The following DNAH9 variants were observed in gnomAD, a reference collection of about 807,000 sequenced individuals.
DNAH9 encodes the protein dynein axonemal heavy chain 9.
Under a neutral mutation model 471.6 loss-of-function variants are expected in DNAH9, and 345 were observed. The observed-to-expected ratio is 0.73, with a 90% CI of 0.67 to 0.80. DNAH9 has a LOEUF of 0.80. Ranked by LOEUF, DNAH9 falls within the 30% of genes least tolerant of loss-of-function variation. DNAH9 has a pLI of 0.00. For synonymous variants in DNAH9, 2,093 were observed against 2,123.6 expected (o/e 0.99, Z 0.40); for missense variants, 5,407 against 5,609.2 (o/e 0.96, Z 1.15).
chr17:11,942,296 G>T lies in DNAH9; in HGVS notation c.12661-7G>T. The T allele has an allele frequency of 6.2e-7, 1 of 1,613,080 alleles. No individual in the cohort carries two copies. Among genetic ancestry groups the T allele is most frequent in the Non-Finnish European group, 8.5e-7 (1 of 1,179,328 alleles). On this transcript the variant is annotated splice_polypyrimidine_tract_variant and splice_region_variant and intron_variant, in intron 66 of 68. Coordinates refer to ENST00000262442, the MANE Select transcript of DNAH9 (RefSeq NM_001372.4). ...TTCTTAACGCTGTGTTTCCTTCTGT[G>T]GGGCAGGTCAAGGCACTTCTGGAAG...
intron 43 of DNAH9, among the ~76,000 whole-genome samples, chr17:11,798,241 G>A (rs1172178706): frequency 6.6e-6 from 1 of 151,810 alleles, no homozygotes; most frequent in Non-Finnish European, 1.5e-5. Flanking sequence ...GACCATCCTG[G>A]CTAACACGGT....
rs1004948898 is a variant in DNAH9 at position 11,623,120 on chromosome 17, T to G, written c.1350+3339T>G. Among the ~76,000 whole-genome samples the G allele has an allele frequency of 2.6e-5, 4 of 151,946 alleles. No homozygotes were observed. Among genetic ancestry groups the G allele is most frequent in the African/African-American group, 9.6e-5 (4 of 41,464 alleles). ...TCCCAAGTAGCTGGGATTACAGGCA[T>G]GTGCCACCATGCCTGGTTAATTTTT... On this transcript the variant is annotated intron_variant, in intron 6 of 68. Transcript: ENST00000262442. The surrounding 1 kb of genome is among the most constrained non-coding windows in gnomAD (Gnocchi z 4.1).
At chr17:11,933,761 C>T in intron 64 of DNAH9, 119 bp from the exon 65 acceptor site, 1 of 895,844 alleles carries the variant, frequency 1.1e-6, no homozygotes, top group Non-Finnish European at 1.7e-6. Context: ...AGACATTGCT[C>T]TCAATCTCAA....
intron 45 of DNAH9, among the ~76,000 whole-genome samples, chr17:11,813,551 C>A (rs1969995039): frequency 6.6e-6 from 1 of 152,154 alleles, no homozygotes; most frequent in African/African-American, 2.4e-5. Context: ...ACTTAGACAA[C>A]CTTGCAATTC....
chr17:11,748,843 T>C (rs1967016278), intron 32 of DNAH9, among the ~76,000 whole-genome samples: 1 of 152,128 alleles, frequency 6.6e-6, no homozygotes, highest in Non-Finnish European at 1.5e-5. Flanking sequence ...AAATCTCAGC[T>C]CCTTCCTGAT....
intron 66 of DNAH9, 147 bp from the exon 67 acceptor site, chr17:11,942,156 C>T: frequency 8.7e-7 from 1 of 1,149,410 alleles, no homozygotes; most frequent in Non-Finnish European, 1.2e-6. Flanking sequence ...TTGACCTCGA[C>T]AAGCAGGCAA....
chr17:11,967,038 A>AAG (rs1300041180), intron 68 of DNAH9, among the ~76,000 whole-genome samples: 1 of 151,298 alleles, frequency 6.6e-6, no homozygotes, highest in African/African-American at 2.4e-5. Flanking sequence ...CCATCTCAAA[A>AAG]AAAAAAAAAA....
chr17:11,746,812 C>A (rs1376551554), intron 31 of DNAH9, among the ~76,000 whole-genome samples: 2 of 152,134 alleles, frequency 1.3e-5, no homozygotes, highest in South Asian at 2.1e-4. Flanking sequence ...TCTATACAAC[C>A]AAATTATCAT....
intron 50 of DNAH9, among the ~76,000 whole-genome samples, chr17:11,863,646 G>A (rs951713856): frequency 6.6e-6 from 1 of 150,768 alleles, no homozygotes; most frequent in Non-Finnish European, 1.5e-5. Context: ...GAATCCATCT[G>A]GTCCTGGACT....
chr17:11,674,725 G>A (rs970304120), intron 17 of DNAH9, among the ~76,000 whole-genome samples: 1 of 150,316 alleles, frequency 6.7e-6, no homozygotes, highest in African/African-American at 2.4e-5. Flanking sequence ...CCCTTATGTT[G>A]TTCTTCTTTT....
chr17:11,739,480 T>C (rs1156940570), intron 29 of DNAH9, among the ~76,000 whole-genome samples: 3 of 152,248 alleles, frequency 2.0e-5, no homozygotes, highest in African/African-American at 4.8e-5. Context: ...TGCTGTAATG[T>C]ACATCTTTGC....
intron 37 of DNAH9, among the ~76,000 whole-genome samples, 184 bp from the exon 38 acceptor site, chr17:11,768,938 C>G (rs936440528): frequency 6.6e-6 from 1 of 152,036 alleles, no homozygotes; most frequent in African/African-American, 2.4e-5. Context: ...CTGCGGGGAG[C>G]CCAGAGAGTG....
Position 11,669,370 on chromosome 17 carries a change from G to T in DNAH9, c.2929G>T (p.Val977Phe). 3 of 1,608,022 alleles carry T rather than the reference G, an allele frequency of 1.9e-6. No homozygotes were observed. Among genetic ancestry groups the T allele is most frequent in the Non-Finnish European group, 2.6e-6 (3 of 1,176,298 alleles). The change falls in exon 17 of 69, where the codon GTC becomes TTC. Residue 977 changes from valine (V) to phenylalanine (F), a missense_variant and splice_region_variant. Val to Phe is a conservative substitution (Grantham distance 50, BLOSUM62 -1). Coordinates refer to ENST00000262442, the MANE Select transcript of DNAH9 (RefSeq NM_001372.4). ...SPQNGSPHYQ[V>F]DLDGIPDLAN... is the part of the protein sequence containing the mutation. ...GCCTGCCGTTGTCTCGCTTCCCCAG[G>T]TCGACCTGGACGGTATACCAGATTT...
rs1251874306 is a variant in DNAH9, at chr17:11,694,449, T to C, written c.4872+2T>C. 2 of 1,612,874 alleles carry C rather than the reference T, an allele frequency of 1.2e-6. No homozygotes were observed. Among genetic ancestry groups the C allele is most frequent in the Non-Finnish European group, 1.7e-6 (2 of 1,179,704 alleles). On this transcript the variant is annotated splice_donor_variant, in intron 22 of 68. Transcript: ENST00000262442. LOFTEE classifies it high-confidence loss of function. ...TCCAACGGCACAGCTCCACAACAGG[T>C]AAGCTGGAGGAGCATCTGCAGAAAG... is the stretch of plus-strand genomic sequence containing the variant.
In DNAH9 at chr17:11,608,194, T is replaced by C. The variant is rs947840200; in HGVS notation, c.483T>C (p.Asp161=). Residue 161 remains aspartate (D), a synonymous_variant, in exon 2 of 69, where the codon GAT becomes GAC. Transcript: ENST00000262442. The stretch of plus-strand genomic sequence containing the variant: ...ACTGGCCCCACATGATATGTGAGGA[T>C]GTCAGGCGGCACGCCCACAGCCTCC... The part of the protein sequence containing the change: ...RLNWPHMICE[D]VRRHAHSLQC... 21 of 1,613,884 alleles carry C rather than the reference T, an allele frequency of 1.3e-5. No homozygotes were observed. The highest frequency in any genetic ancestry group is 1.7e-5 in the Non-Finnish European group (20 of 1,179,880).
rs185811669 is a variant in DNAH9 at position 11,656,671 on chromosome 17, T to C, written c.2595+3669T>C. Among the ~76,000 whole-genome samples, 54 of 152,258 alleles carry C rather than the reference T, an allele frequency of 3.5e-4. No homozygotes were observed. The East Asian group carries it at 9.8e-3, about 28-fold the overall frequency. On this transcript the variant is annotated intron_variant, in intron 14 of 68. Transcript: ENST00000262442. ...AGAGCTCAGTGAGTTTTTACAAATG[T>C]ATACACTCAGGTAACTACCACAATA...
intron 20 of DNAH9, among the ~76,000 whole-genome samples, chr17:11,693,302 T>G (rs1403573992): frequency 7.2e-6 from 1 of 138,166 alleles, no homozygotes; most frequent in Non-Finnish European, 1.5e-5. Flanking sequence ...TGGAGTACAG[T>G]GGCACGATCT....
chr17:11,664,814 TTTC>T lies in DNAH9; in HGVS notation c.2596-12_2596-10del, dbSNP rs768544991. ...ATGCTATTAAACGAGGTTTATATCCTTTCTTCTTCCTTTTATAGGAAAACCTGG... is the reference window on the plus strand; with the variant it reads ...ATGCTATTAAACGAGGTTTATATCCTTTCTTCCTTTTATAGGAAAACCTGG... On this transcript the variant is annotated splice_polypyrimidine_tract_variant and intron_variant, in intron 14 of 68. Transcript: ENST00000262442. 72 of 1,607,698 alleles carry T rather than the reference TTTC, an allele frequency of 4.5e-5. No individual in the cohort carries two copies. The highest frequency in any genetic ancestry group is 6.0e-5 in the Non-Finnish European group (70 of 1,175,052).
chr17:11,864,489 G>A (rs2150980331), intron 50 of DNAH9, among the ~76,000 whole-genome samples: 1 of 150,358 alleles, frequency 6.7e-6, no homozygotes, highest in African/African-American at 2.4e-5. Flanking sequence ...TGAAAAAAAT[G>A]TATATTCTGT....
Sources: gnomAD v4.1 joint callset for allele counts (sites outside exome capture counted in the v4.1 genomes callset) on GRCh38, gnomAD v4.1.1 for gene constraint, Gnocchi (gnomAD v3.1) non-coding constraint, MANE v1.5 for transcripts, NCBI Gene and HGNC (gene_info 2026-07-23, HGNC 2026-07-21) for gene names.